The following EPHA5 variants were observed in gnomAD, a reference collection of about 807,000 sequenced individuals.
EPHA5 encodes the protein ephrin type-A receptor 5.
EPHA5 carries 60 observed loss-of-function variants against 105.0 expected under a neutral mutation model. The ratio of observed to expected loss-of-function variants is 0.57; its 90% CI spans 0.46 to 0.71. EPHA5 has a LOEUF of 0.71. Among genes scored for constraint, EPHA5 ranks in the 30% least tolerant of loss-of-function variants. The probability of loss-of-function intolerance (pLI) is 0.00; values close to 1 mark genes in which losing one functional copy is unlikely to be tolerated. For synonymous variants in EPHA5, 513 were observed against 449.1 expected (o/e 1.14, Z -1.80); for missense variants, 1,218 against 1,274.7 (o/e 0.96, Z 0.68).
At chr4:65,572,305 A>T (rs1053872908) in intron 3 of EPHA5, among the ~76,000 whole-genome samples, 3 of 152,156 alleles carry the variant, frequency 2.0e-5, no homozygotes, top group Non-Finnish European at 4.4e-5. Context: ...TACTACTTTT[A>T]ATTATTTATG....
intron 3 of EPHA5, among the ~76,000 whole-genome samples, chr4:65,533,235 T>TA (rs934844610): frequency 2.4e-4 from 36 of 152,130 alleles, no homozygotes; most frequent in African/African-American, 6.5e-4. Context: ...TAAGGAATGT[T>TA]AAAAAAATTA....
intron 2 of EPHA5, among the ~76,000 whole-genome samples, chr4:65,617,295 T>G (rs1745325586): frequency 6.6e-6 from 1 of 152,088 alleles, no homozygotes. Flanking sequence ...AATGGATTCA[T>G]TCTCTTGCCC....
At chr4:65,351,163 A>G (rs1722777514) in intron 13 of EPHA5, among the ~76,000 whole-genome samples, 1 of 152,036 alleles carries the variant, frequency 6.6e-6, no homozygotes, top group Non-Finnish European at 1.5e-5. Context: ...TATCTTCAGA[A>G]AAAATGAATT....
intron 2 of EPHA5, among the ~76,000 whole-genome samples, chr4:65,640,212 G>A (rs1747517249): frequency 6.7e-6 from 1 of 150,318 alleles, no homozygotes; most frequent in Non-Finnish European, 1.5e-5. Flanking sequence ...TGACTTCTCT[G>A]AAATAATTCT....
At chr4:65,536,638 C>A (rs1236708488) in intron 3 of EPHA5, among the ~76,000 whole-genome samples, 1 of 146,940 alleles carries the variant, frequency 6.8e-6, no homozygotes, top group African/African-American at 2.5e-5. Flanking sequence ...TAAGTTAATA[C>A]TTTGAATCAA....
At chr4:65,653,084 T>C (rs1748751648) in intron 1 of EPHA5, among the ~76,000 whole-genome samples, 1 of 152,098 alleles carries the variant, frequency 6.6e-6, no homozygotes, top group Non-Finnish European at 1.5e-5. Flanking sequence ...TAATTACCCC[T>C]AATGCTTAAG....
At chr4:65,387,410 T>C (rs1720212509) in intron 8 of EPHA5, among the ~76,000 whole-genome samples, 2 of 151,968 alleles carry the variant, frequency 1.3e-5, no homozygotes, top group African/African-American at 4.8e-5. Flanking sequence ...TTTCAATTTA[T>C]TGGATGAAGA....
At chr4:65,472,568 C>A (rs1729394840) in intron 5 of EPHA5, among the ~76,000 whole-genome samples, 2 of 152,200 alleles carry the variant, frequency 1.3e-5, no homozygotes, top group African/African-American at 2.4e-5. Context: ...TGTGCACCTG[C>A]AGGCCCACCA....
At chr4:65,380,965 G>T (rs1719503174) in intron 8 of EPHA5, among the ~76,000 whole-genome samples, 1 of 151,698 alleles carries the variant, frequency 6.6e-6, no homozygotes, top group African/African-American at 2.4e-5. Context: ...TAGATGCATA[G>T]CTTTGGATAA....
At chr4:65,354,980 G>T (rs1021271758) in intron 11 of EPHA5, among the ~76,000 whole-genome samples, 1 of 151,738 alleles carries the variant, frequency 6.6e-6, no homozygotes. Context: ...TTGTAAAAAT[G>T]TTTGTCTAAA....
At chr4:65,503,803 C>T (rs1228996887) in intron 3 of EPHA5, among the ~76,000 whole-genome samples, 1 of 151,318 alleles carries the variant, frequency 6.6e-6, no homozygotes, top group East Asian at 1.9e-4. Context: ...ATACATTACC[C>T]GTCACATATT....
At chr4:65,459,114 G>A (rs1318584165) in intron 5 of EPHA5, among the ~76,000 whole-genome samples, 1 of 152,038 alleles carries the variant, frequency 6.6e-6, no homozygotes, top group Admixed American at 6.6e-5. Context: ...TTCCTCTGAA[G>A]TTTAAACTGG....
At chr4:65,342,777 T>C (rs1388776302) in intron 14 of EPHA5, among the ~76,000 whole-genome samples, 1 of 151,982 alleles carries the variant, frequency 6.6e-6, no homozygotes, top group African/African-American at 2.4e-5. Context: ...CTGATGTATG[T>C]ATATATGTAT....
intron 3 of EPHA5, among the ~76,000 whole-genome samples, chr4:65,600,104 A>AT (rs1173496699): frequency 3.3e-5 from 5 of 152,174 alleles, no homozygotes; most frequent in Non-Finnish European, 7.4e-5. Context: ...AATTAATAAG[A>AT]TTTATATTTA....
chr4:65,476,226 A>C (rs1299301855), intron 5 of EPHA5, among the ~76,000 whole-genome samples: 2 of 151,872 alleles, frequency 1.3e-5, no homozygotes, highest in African/African-American at 4.8e-5. Context: ...CATGGAGTCC[A>C]TGAAAATGCA....
At chr4:65,615,744 C>T (rs1178075123) in intron 2 of EPHA5, among the ~76,000 whole-genome samples, 1 of 151,738 alleles carries the variant, frequency 6.6e-6, no homozygotes, top group Non-Finnish European at 1.5e-5. Context: ...GTCACCATAC[C>T]CCTATTTGAA....
At chr4:65,519,469 A>C (rs906232460) in intron 3 of EPHA5, among the ~76,000 whole-genome samples, 2 of 152,156 alleles carry the variant, frequency 1.3e-5, no homozygotes, top group Non-Finnish European at 2.9e-5. Flanking sequence ...AACTGGCACA[A>C]GACAGGGATG....
At chr4:65,327,828 A>AG in intron 16 of EPHA5, among the ~76,000 whole-genome samples, 1 of 151,232 alleles carries the variant, frequency 6.6e-6, no homozygotes, top group South Asian at 2.1e-4. Context: ...ATTTTAAGGT[A>AG]TTTTCTTCTA....
At chr4:65,619,729 T>C (rs1243098431) in intron 2 of EPHA5, among the ~76,000 whole-genome samples, 11 of 152,044 alleles carry the variant, frequency 7.2e-5, no homozygotes. Context: ...ATATATGCCA[T>C]ATTTTCCTAA....
Sources: gnomAD v4.1 joint callset for allele counts (sites outside exome capture counted in the v4.1 genomes callset) on GRCh38, gnomAD v4.1.1 for gene constraint, MANE v1.5 for transcripts, NCBI Gene and HGNC (gene_info 2026-07-23, HGNC 2026-07-21) for gene names.